COL22A1: variants seen among roughly 807,000 people sequenced by gnomAD.
COL22A1 encodes collagen type XXII alpha 1 chain.
In COL22A1, 221 loss-of-function variants were observed where a neutral mutation model predicts 248.9. That is an observed-to-expected ratio of 0.89 (90% CI 0.80 to 0.99). The LOEUF (loss-of-function observed/expected upper bound fraction) is 0.99, where lower values mean the gene tolerates loss of function less well. Ranked by LOEUF, COL22A1 falls within the 50% of genes least tolerant of loss-of-function variation. The pLI is 0.00. For synonymous variants in COL22A1, 891 were observed against 793.4 expected (o/e 1.12, Z -2.07); for missense variants, 2,240 against 2,179.0 (o/e 1.03, Z -0.56).
chr8:138,745,203 A>G (rs377070686), intron 22 of COL22A1, among the ~76,000 whole-genome samples: 1 of 139,074 alleles, frequency 7.2e-6, no homozygotes, highest in African/African-American at 2.8e-5. Flanking sequence ...TTTTTTTTTT[A>G]AATCTTCCAG....
chr8:138,829,328 C>T (rs561789455), intron 5 of COL22A1, among the ~76,000 whole-genome samples: 7 of 152,000 alleles, frequency 4.6e-5, no homozygotes, highest in Non-Finnish European at 7.4e-5. Context: ...CACAGACACA[C>T]GCTTTGTAGC....
intron 16 of COL22A1, among the ~76,000 whole-genome samples, chr8:138,765,902 G>A (rs1164293026): frequency 6.6e-6 from 1 of 152,234 alleles, no homozygotes; most frequent in African/African-American, 2.4e-5. Flanking sequence ...GACAGTGTGA[G>A]AGTAAGCTGC....
rs182457903 is a variant in COL22A1 at position 138,877,576 on chromosome 8, G to A, written c.658+174C>T. Among the ~76,000 whole-genome samples the A allele has an allele frequency of 7.9e-3, 1,205 of 152,164 alleles. 17 individuals carry two copies. The highest frequency in any genetic ancestry group is 0.027 in the African/African-American group (1,128 of 41,526). The stretch of plus-strand genomic sequence containing the variant: ...GTCCAGGGGGTGCCCATGCTACTAG[G>A]TTCCCTGTGTGGCCAAACCCAAGAA... On this transcript the variant is annotated intron_variant, in intron 3 of 64. Transcript: ENST00000303045.
At chr8:138,772,207 C>T (rs763366119) in intron 16 of COL22A1, among the ~76,000 whole-genome samples, 2 of 152,218 alleles carry the variant, frequency 1.3e-5, no homozygotes, top group Admixed American at 6.5e-5. Context: ...CGCATGGGCC[C>T]GGTGCTCACC....
intron 2 of COL22A1, among the ~76,000 whole-genome samples, chr8:138,879,429 C>T (rs565294056): frequency 1.3e-5 from 2 of 152,246 alleles, no homozygotes; most frequent in South Asian, 4.1e-4. Flanking sequence ...CAGTGGTTCA[C>T]GCCTGTAATT....
At chr8:138,672,718 G>T (rs1477550798) in intron 41 of COL22A1, among the ~76,000 whole-genome samples, 1 of 152,176 alleles carries the variant, frequency 6.6e-6, no homozygotes, top group East Asian at 1.9e-4. Flanking sequence ...TGGGGCAAAG[G>T]CAGGGAAGCA....
At chr8:138,757,970 A>G (rs1263750678) in intron 18 of COL22A1, among the ~76,000 whole-genome samples, 1 of 152,254 alleles carries the variant, frequency 6.6e-6, no homozygotes, top group African/African-American at 2.4e-5. Context: ...TGTGACTAAC[A>G]GAAACAGCAG....
intron 1 of COL22A1, among the ~76,000 whole-genome samples, chr8:138,891,462 A>G (rs1825065992): frequency 6.6e-6 from 1 of 152,252 alleles, no homozygotes; most frequent in African/African-American, 2.4e-5. Flanking sequence ...AACCATTAAC[A>G]TACATTAAAC....
At chr8:138,902,589 C>T (rs1814666661) in intron 1 of COL22A1, among the ~76,000 whole-genome samples, 1 of 151,276 alleles carries the variant, frequency 6.6e-6, no homozygotes, top group Non-Finnish European at 1.5e-5. Flanking sequence ...GCCTGTAGTC[C>T]CAGCTACTCG....
chr8:138,685,464 G>A (rs1826276241), intron 37 of COL22A1, 152 bp from the exon 38 acceptor site: 1 of 697,374 alleles, frequency 1.4e-6, no homozygotes. Flanking sequence ...AAGATGGACT[G>A]TGTAATGTGT....
In COL22A1 at chr8:138,598,865, G is replaced by T. The variant is rs1013663362; in HGVS notation, c.4219C>A (p.Pro1407Thr). Residue 1407 changes from proline (P) to threonine (T), a missense_variant, in exon 61 of 65, where the codon CCT becomes ACT. Transcript: ENST00000303045. The stretch of plus-strand genomic sequence containing the variant: ...TCCCCAGGCTGGCCTTTTCCACCAG[G>T]AGGTCCTTTGTCACCTTTGATCCCA... ...DPGIKGDKGP[P>T]GGKGQPGDPG... The T allele has an allele frequency of 6.2e-7, 1 of 1,614,156 alleles. No individual in the cohort carries two copies.
chr8:138,672,941 T>C (rs922422469), intron 41 of COL22A1, among the ~76,000 whole-genome samples: 1 of 152,214 alleles, frequency 6.6e-6, no homozygotes, highest in African/African-American at 2.4e-5. Context: ...GGAGGCTCAT[T>C]TTGTAAGCAA....
chr8:138,669,891 T>A (rs1267913899), intron 41 of COL22A1, among the ~76,000 whole-genome samples: 1 of 150,058 alleles, frequency 6.7e-6, no homozygotes, highest in Admixed American at 6.6e-5. Context: ...AAGACTTTTT[T>A]TTTTTTTTTT....
intron 1 of COL22A1, among the ~76,000 whole-genome samples, chr8:138,884,674 G>C (rs900002256): frequency 6.6e-6 from 1 of 152,100 alleles, no homozygotes; most frequent in African/African-American, 2.4e-5. Context: ...GACATCCTAC[G>C]AACTGGCATG....
intron 3 of COL22A1, among the ~76,000 whole-genome samples, chr8:138,870,768 A>C (rs1348849286): frequency 1.3e-5 from 2 of 150,434 alleles, no homozygotes; most frequent in African/African-American, 4.9e-5. Context: ...TATAGTATAC[A>C]TGGTGTGTGT....
intron 27 of COL22A1, 58 bp downstream of exon 27, chr8:138,720,681 C>T: frequency 7.2e-7 from 1 of 1,387,424 alleles, no homozygotes. Context: ...TCACACACCA[C>T]CCCAAATAGA....
At chr8:138,669,231 C>T (rs146286074) in intron 41 of COL22A1, among the ~76,000 whole-genome samples, 67 of 152,210 alleles carry the variant, frequency 4.4e-4, no homozygotes, top group Non-Finnish European at 7.4e-4. Context: ...GGGAGACCAG[C>T]GGGAAAACGC....
intron 15 of COL22A1, 186 bp downstream of exon 15, chr8:138,778,167 G>A (rs1814646862): frequency 2.9e-6 from 2 of 700,304 alleles, no homozygotes; most frequent in Non-Finnish European, 5.2e-6. Flanking sequence ...TGTTCTCTGG[G>A]TGATTCTTAT....
intron 64 of COL22A1, among the ~76,000 whole-genome samples, chr8:138,590,246 A>T (rs1436529941): frequency 9.2e-5 from 14 of 152,174 alleles, no homozygotes. Flanking sequence ...ATATAAAATA[A>T]ACACAAAGTA....
Sources: allele counts gnomAD v4.1 joint callset (sites outside exome capture counted in the v4.1 genomes callset), GRCh38; gene constraint gnomAD v4.1.1; transcripts MANE v1.5; gene names NCBI Gene and HGNC (gene_info 2026-07-23, HGNC 2026-07-21).